The following PCDHGA3 variants were observed in gnomAD, a reference collection of about 807,000 sequenced individuals.
The protein encoded by PCDHGA3 is protocadherin gamma-A3.
A neutral mutation model predicts 58.5 loss-of-function variants in PCDHGA3; 40 were observed. The ratio of observed to expected loss-of-function variants is 0.68; its 90% CI spans 0.53 to 0.89. PCDHGA3 has a LOEUF of 0.89. Among genes scored for constraint, PCDHGA3 ranks in the 40% least tolerant of loss-of-function variants. The pLI, the probability that PCDHGA3 is intolerant of heterozygous loss-of-function variation, is 0.00. For synonymous variants in PCDHGA3, 530 were observed against 525.7 expected (o/e 1.01, Z -0.11); for missense variants, 1,223 against 1,195.9 (o/e 1.02, Z -0.33).
chr5:141,391,929 T>C (rs1035871197), intron 1 of PCDHGA3: 1 of 152,214 alleles, frequency 6.6e-6, no homozygotes, highest in African/African-American at 2.4e-5. Flanking sequence ...ATCTGTACCT[T>C]TCAAGTATTC....
chr5:141,432,918 A>C lies in PCDHGA3; in HGVS notation c.2425-61889A>C. ...CTGGCGCTCAGGCTGCGGCGCTGGC[A>C]CAAGTCACGCCTGCTGCAGGCTTCA... On this transcript the variant is annotated intron_variant, in intron 1 of 3. Coordinates refer to ENST00000253812, the MANE Select transcript of PCDHGA3 (RefSeq NM_018916.4). This position sits in a 1 kb window ranked among gnomAD's most constrained non-coding sequence, Gnocchi z 6.0. 1 of 1,614,128 alleles carries C rather than the reference A, an allele frequency of 6.2e-7. No homozygotes were observed. Among genetic ancestry groups the C allele is most frequent in the South Asian group, 1.1e-5 (1 of 91,082 alleles).
chr5:141,473,237 A>C (rs2099317600), intron 1 of PCDHGA3, among the ~76,000 whole-genome samples: 1 of 152,194 alleles, frequency 6.6e-6, no homozygotes, highest in African/African-American at 2.4e-5. Context: ...GATCCACACA[A>C]GTGAATACAT....
At chr5:141,351,506 G>C in intron 1 of PCDHGA3, 1 of 1,613,992 alleles carries the variant, frequency 6.2e-7, no homozygotes, top group Non-Finnish European at 8.5e-7. Flanking sequence ...AGACTACAAC[G>C]TCACAATCAT....
At chr5:141,370,778 C>T in intron 1 of PCDHGA3, 1 of 1,613,986 alleles carries the variant, frequency 6.2e-7, no homozygotes, top group Non-Finnish European at 8.5e-7. Flanking sequence ...ATATTAACGA[C>T]AACCCACCGA....
Position 141,379,889 on chromosome 5 carries a change from C to CTTTTTT in PCDHGA3, c.2424+33457_2424+33462dup, listed in dbSNP as rs70988800. Among the ~76,000 whole-genome samples the CTTTTTT allele has an allele frequency of 6.7e-3, 342 of 50,826 alleles. 49 individuals carry two copies. Among genetic ancestry groups the CTTTTTT allele is most frequent in the African/African-American group, 8.9e-3 (134 of 15,072 alleles). 33.3% of individuals were successfully genotyped at this position (50,826 alleles called of 152,430 possible). On this transcript the variant is annotated intron_variant, in intron 1 of 3. Transcript: ENST00000253812. ...CTTATTTTATGGTCTGTGAAAGCCT[C>CTTTTTT]TTTTTTTTTTTTTTTTTTTTTTTTT...
At position 141,374,455 on chromosome 5, in the gene PCDHGA3, G is replaced by A. The variant is rs772470084; in HGVS notation, c.2424+27998G>A. 3.7e-6 allele frequency: 6 copies of A among 1,613,610 alleles called. No homozygotes were observed. In the South Asian group the frequency reaches 5.5e-5, roughly 15 times the overall value. The stretch of plus-strand genomic sequence containing the variant: ...TTTATCCCGTGGAAGTGGAAATAGT[G>A]GACATTAATGACAATACACCCCGAT... On this transcript the variant is annotated intron_variant, in intron 1 of 3. Coordinates refer to ENST00000253812, the MANE Select transcript of PCDHGA3 (RefSeq NM_018916.4).
Position 141,344,904 on chromosome 5 carries a change from A to G in PCDHGA3, c.871A>G (p.Ile291Val), listed in dbSNP as rs763373670. The change falls in exon 1 of 4, where the codon ATT (isoleucine) becomes GTT (valine). Residue 291 changes from isoleucine to valine, a missense_variant. By Grantham distance (29) the Ile-to-Val change is conservative (BLOSUM62 3). This residue lies in a region of PCDHGA3 where 791 missense variants were observed against 708.5 expected (regional missense o/e 1.12). Transcript: ENST00000253812. ...LDKMPGKIAE[I>V]FHLNSVSGEV... ...TAAAATGCCTGGGAAAATCGCTGAG[A>G]TTTTCCATCTTAACTCAGTGAGTGG... The G allele has an allele frequency of 6.2e-7, 1 of 1,613,788 alleles. No individual in the cohort carries two copies. Among genetic ancestry groups the G allele is most frequent in the African/African-American group, 1.3e-5 (1 of 74,892 alleles).
At chr5:141,375,373 A>G (rs540129406) in intron 1 of PCDHGA3, 113 of 1,613,776 alleles carry the variant, frequency 7.0e-5, no homozygotes, top group Non-Finnish European at 3.2e-5. Flanking sequence ...AAGGAACACC[A>G]CCTCTGTCTA....
chr5:141,417,754 C>A, intron 1 of PCDHGA3: 2 of 1,431,302 alleles, frequency 1.4e-6, no homozygotes, highest in Non-Finnish European at 1.8e-6. Flanking sequence ...TTGCCAGCTC[C>A]GAGACCCGGG....
chr5:141,454,356 T>G (rs1461475653), intron 1 of PCDHGA3, among the ~76,000 whole-genome samples: 1 of 152,224 alleles, frequency 6.6e-6, no homozygotes, highest in East Asian at 1.9e-4. Context: ...TGATCCAAAC[T>G]TAGAAAGGAG....
At chr5:141,402,487 A>G (rs1239262921) in intron 1 of PCDHGA3, among the ~76,000 whole-genome samples, 1 of 152,226 alleles carries the variant, frequency 6.6e-6, no homozygotes, top group Non-Finnish European at 1.5e-5. Flanking sequence ...AAGTTCTACC[A>G]AGAATAAGAA....
chr5:141,352,874 G>T (rs1015374463), intron 1 of PCDHGA3, among the ~76,000 whole-genome samples: 1 of 152,146 alleles, frequency 6.6e-6, no homozygotes, highest in Non-Finnish European at 1.5e-5. Context: ...TGTAGTCCCA[G>T]TTACTCAGGA....
intron 1 of PCDHGA3, chr5:141,427,761 G>A (rs1228905550): frequency 3.7e-6 from 5 of 1,366,246 alleles, no homozygotes; most frequent in Non-Finnish European, 4.1e-6. Flanking sequence ...CGTTACCACT[G>A]ACTTGGAGCT....
Position 141,491,547 on chromosome 5 carries a change from G to A in PCDHGA3, c.2425-3260G>A. On this transcript the variant is annotated intron_variant, in intron 1 of 3. Transcript: ENST00000253812. This position sits in a 1 kb window ranked among gnomAD's most constrained non-coding sequence, Gnocchi z 6.9. ...AGGTGACGCTGCGGCCCACAGACTC[G>A]CAGAGCCACTGCTACAGGACGTGCT... is the stretch of plus-strand genomic sequence containing the variant. The A allele has an allele frequency of 4.3e-6, 7 of 1,613,974 alleles. No individual in the cohort carries two copies. The highest frequency in any genetic ancestry group is 5.9e-6 in the Non-Finnish European group (7 of 1,180,022).
At chr5:141,383,544 T>A (rs1273578608) in intron 1 of PCDHGA3, 21 of 1,612,498 alleles carry the variant, frequency 1.3e-5, no homozygotes, top group Non-Finnish European at 1.8e-5. Context: ...TCACAGCCTC[T>A]GATGGCGGCG....
intron 2 of PCDHGA3, among the ~76,000 whole-genome samples, 170 bp from the exon 3 acceptor site, chr5:141,505,223 A>G (rs746167057): frequency 1.9e-4 from 29 of 152,176 alleles, no homozygotes; most frequent in Admixed American, 6.5e-5. Flanking sequence ...GACTTGTGGG[A>G]TTCTGGCTTC....
Position 141,432,916 on chromosome 5 carries a change from G to A in PCDHGA3, c.2425-61891G>A, listed in dbSNP as rs1303459899. ...TGCTGGCGCTCAGGCTGCGGCGCTG[G>A]CACAAGTCACGCCTGCTGCAGGCTT... is the stretch of plus-strand genomic sequence containing the variant. On this transcript the variant is annotated intron_variant, in intron 1 of 3. Transcript: ENST00000253812. This position sits in a 1 kb window ranked among gnomAD's most constrained non-coding sequence, Gnocchi z 6.0. 1.2e-6 allele frequency: 2 copies of A among 1,614,078 alleles called. No individual in the cohort carries two copies. The highest frequency in any genetic ancestry group is 1.7e-6 in the Non-Finnish European group (2 of 1,180,048).
intron 1 of PCDHGA3, chr5:141,385,148 T>G (rs1052139407): frequency 6.2e-7 from 1 of 1,614,218 alleles, no homozygotes; most frequent in Admixed American, 1.7e-5. Context: ...CAGGCTTTCC[T>G]GCAGACCTAT....
In PCDHGA3 at chr5:141,389,782, G is replaced by C. The variant is rs768524617; in HGVS notation, c.2424+43325G>C. 4 of 1,613,192 alleles carry C rather than the reference G, an allele frequency of 2.5e-6. No individual in the cohort carries two copies. In the African/African-American group the frequency reaches 5.3e-5, roughly 22 times the overall value. On this transcript the variant is annotated intron_variant, in intron 1 of 3. Transcript: ENST00000253812. ...CGCACAGCGCGTGCCTTAGGCGACAGGGACGCCGTCCGCCAGCGCCTTCTG... is the reference window on the plus strand; with the variant it reads ...CGCACAGCGCGTGCCTTAGGCGACACGGACGCCGTCCGCCAGCGCCTTCTG...
Sources: gnomAD v4.1 joint callset for allele counts (sites outside exome capture counted in the v4.1 genomes callset) on GRCh38, gnomAD v4.1.1 for gene constraint, gnomAD v4.1.1 regional missense constraint, Gnocchi (gnomAD v3.1) non-coding constraint, MANE v1.5 for transcripts, NCBI Gene and HGNC (gene_info 2026-07-23, HGNC 2026-07-21) for gene names.